NDUFS4: variants seen among roughly 807,000 people sequenced by gnomAD.
NDUFS4 encodes NADH:ubiquinone oxidoreductase subunit S4, also known as NADH dehydrogenase [ubiquinone] iron-sulfur protein 4, mitochondrial.
Under a neutral mutation model 24.3 loss-of-function variants are expected in NDUFS4, and 28 were observed. That is an observed-to-expected ratio of 1.15 (90% CI 0.85 to 1.58). The LOEUF (loss-of-function observed/expected upper bound fraction) is 1.58. NDUFS4 is among the 40% of genes most tolerant of loss of function. The pLI is 0.00. For missense variants in NDUFS4, 223 were observed against 207.9 expected (o/e 1.07, Z -0.45); for synonymous variants, 93 against 69.7 (o/e 1.34, Z -1.67).
intron 2 of NDUFS4, among the ~76,000 whole-genome samples, chr5:53,644,858 T>C (rs1002842427): frequency 1.1e-4 from 16 of 152,098 alleles, no homozygotes; most frequent in African/African-American, 3.4e-4. Context: ...AAATAGAGGA[T>C]TGGTTGCCAA....
intron 1 of NDUFS4, among the ~76,000 whole-genome samples, chr5:53,567,998 C>T (rs1038543804): frequency 6.6e-6 from 1 of 152,124 alleles, no homozygotes; most frequent in Non-Finnish European, 1.5e-5. Flanking sequence ...TTCATAACAA[C>T]TTTCATCTAA....
At chr5:53,584,123 G>A (rs1304878423) in intron 1 of NDUFS4, among the ~76,000 whole-genome samples, 1 of 152,170 alleles carries the variant, frequency 6.6e-6, no homozygotes, top group Admixed American at 6.5e-5. Context: ...TACTTCATAT[G>A]TACCTTTTTC....
chr5:53,579,994 C>A, intron 1 of NDUFS4, among the ~76,000 whole-genome samples: 1 of 152,126 alleles, frequency 6.6e-6, no homozygotes, highest in Admixed American at 6.5e-5. Context: ...TGATATTAGC[C>A]CTGTGAGACT....
chr5:53,646,438 GCTAT>G, intron 3 of NDUFS4, 33 bp downstream of exon 3: 1 of 1,603,650 alleles, frequency 6.2e-7, no homozygotes, highest in Non-Finnish European at 8.5e-7. Flanking sequence ...AATATTGTCA[GCTAT>G]CTTTTTCTAT....
At chr5:53,655,655 A>T (rs780781277) in intron 3 of NDUFS4, among the ~76,000 whole-genome samples, 1 of 152,198 alleles carries the variant, frequency 6.6e-6, no homozygotes, top group Admixed American at 6.5e-5. Flanking sequence ...TCTATTAATT[A>T]TCTGATCCCT....
chr5:53,679,875 A>G (rs1257658387), intron 4 of NDUFS4, among the ~76,000 whole-genome samples: 2 of 151,408 alleles, frequency 1.3e-5, no homozygotes, highest in South Asian at 2.1e-4. Flanking sequence ...TTAATTTTCC[A>G]GCTATCATTA....
intron 1 of NDUFS4, among the ~76,000 whole-genome samples, chr5:53,585,353 C>A (rs949932164): frequency 2.0e-5 from 3 of 152,040 alleles, no homozygotes; most frequent in African/African-American, 2.4e-5. Flanking sequence ...ATGAATCTTA[C>A]AATAAATAAT....
intron 1 of NDUFS4, among the ~76,000 whole-genome samples, chr5:53,563,636 G>C (rs1018904004): frequency 6.6e-6 from 1 of 151,918 alleles, no homozygotes; most frequent in Non-Finnish European, 1.5e-5. Context: ...AGAGTAGCTG[G>C]GATTACAGGT....
intron 1 of NDUFS4, 128 bp from the exon 2 acceptor site, chr5:53,603,322 CTT>C: frequency 1.4e-6 from 1 of 712,174 alleles, no homozygotes; most frequent in Non-Finnish European, 2.3e-6. Context: ...GCCCTCTTCT[CTT>C]TCTTTCCTTT....
At chr5:53,636,278 G>T (rs1266055009) in intron 2 of NDUFS4, among the ~76,000 whole-genome samples, 1 of 152,154 alleles carries the variant, frequency 6.6e-6, no homozygotes, top group Non-Finnish European at 1.5e-5. Context: ...GTCTACACAT[G>T]AGTTGTGATT....
chr5:53,657,367 A>G (rs970111843), intron 3 of NDUFS4, among the ~76,000 whole-genome samples: 2 of 152,160 alleles, frequency 1.3e-5, no homozygotes, highest in African/African-American at 2.4e-5. Context: ...ATATATAATT[A>G]TAGGAATCTC....
Position 53,646,078 on chromosome 5 carries a change from G to A in NDUFS4, c.178-155G>A, listed in dbSNP as rs1751853461. 9 of 641,856 alleles carry A rather than the reference G, an allele frequency of 1.4e-5. No individual in the cohort carries two copies. In the South Asian group the frequency reaches 1.6e-4, roughly 11 times the overall value. 39.8% of individuals were successfully genotyped at this position (641,856 alleles called of 1,614,324 possible). A position where few individuals can be genotyped will look rare whatever the true frequency, so the allele number is the denominator to read the frequency against. ...AGGTATCTAAATAGTAATTTACATT[G>A]TAAAGTATCAGAATGGTAGTGAAAT... On this transcript the variant is annotated intron_variant, in intron 2 of 4. Coordinates refer to ENST00000296684, the MANE Select transcript of NDUFS4 (RefSeq NM_002495.4).
chr5:53,636,196 A>T (rs1394796488), intron 2 of NDUFS4, among the ~76,000 whole-genome samples: 1 of 152,160 alleles, frequency 6.6e-6, no homozygotes, highest in African/African-American at 2.4e-5. Flanking sequence ...CAGATTTTTT[A>T]AAAAACCAGT....
In NDUFS4 at chr5:53,597,015, T is replaced by C. The variant is rs183403983; in HGVS notation, c.99-6437T>C. Among the ~76,000 whole-genome samples the C allele has an allele frequency of 8.3e-4, 126 of 152,346 alleles. 1 individual carries two copies. The East Asian group carries it at 0.02, about 24-fold the overall frequency. On this transcript the variant is annotated intron_variant, in intron 1 of 4. Coordinates refer to ENST00000296684, the MANE Select transcript of NDUFS4 (RefSeq NM_002495.4). ...GTTGCTTAAAACAACAGTAGTCTTC[T>C]GTTTTGCTTACAAATGTACAATTTG...
intron 2 of NDUFS4, 125 bp downstream of exon 2, chr5:53,603,655 C>T (rs912801201): frequency 1.4e-6 from 1 of 712,208 alleles, no homozygotes; most frequent in Admixed American, 2.2e-5. Flanking sequence ...TAGATTATAC[C>T]TAAATTTTAA....
intron 2 of NDUFS4, among the ~76,000 whole-genome samples, chr5:53,617,700 A>G (rs562695350): frequency 2.6e-4 from 40 of 152,330 alleles, no homozygotes; most frequent in African/African-American, 9.1e-4. Context: ...AAAAATTGTC[A>G]TATTTCCTCT....
At chr5:53,575,444 A>G (rs1041217583) in intron 1 of NDUFS4, among the ~76,000 whole-genome samples, 11 of 151,956 alleles carry the variant, frequency 7.2e-5, no homozygotes, top group African/African-American at 2.4e-4. Flanking sequence ...TTTAAAGCTA[A>G]ACGCTAACAT....
chr5:53,631,355 C>T (rs765099669), intron 2 of NDUFS4, among the ~76,000 whole-genome samples: 29 of 152,312 alleles, frequency 1.9e-4, no homozygotes, highest in Non-Finnish European at 2.6e-4. Flanking sequence ...TCAGGCTACA[C>T]GGCAGTCAGG....
chr5:53,627,522 GTTCT>G (rs1015528993), intron 2 of NDUFS4, among the ~76,000 whole-genome samples: 2 of 152,154 alleles, frequency 1.3e-5, no homozygotes, highest in Non-Finnish European at 2.9e-5. Context: ...AGCATGGAAT[GTTCT>G]TTCGTTTGTT....
Sources: gnomAD v4.1 joint callset for allele counts (sites outside exome capture counted in the v4.1 genomes callset) on GRCh38, gnomAD v4.1.1 for gene constraint, MANE v1.5 for transcripts, NCBI Gene and HGNC (gene_info 2026-07-23, HGNC 2026-07-21) for gene names.